The following LPP variants were observed in gnomAD, a reference collection of about 807,000 sequenced individuals.
LPP encodes the protein LIM domain containing preferred translocation partner in lipoma.
In LPP, 38 loss-of-function variants were observed where a neutral mutation model predicts 60.4. The observed-to-expected ratio is 0.63, with a 90% CI of 0.49 to 0.83. The LOEUF (loss-of-function observed/expected upper bound fraction) is 0.83, where lower values mean the gene tolerates loss of function less well. Among genes scored for constraint, LPP ranks in the 40% least tolerant of loss-of-function variants. The pLI, the probability that LPP is intolerant of heterozygous loss-of-function variation, is 0.00. For missense variants in LPP, 902 were observed against 783.6 expected, an observed-to-expected ratio of 1.15 and a Z score of -1.80; for synonymous variants, 328 against 290.8, an observed-to-expected ratio of 1.13 and a Z score of -1.30.
chr3:188,398,611 C>G (rs1313467306), intron 3 of LPP, among the ~76,000 whole-genome samples: 1 of 152,200 alleles, frequency 6.6e-6, no homozygotes, highest in Non-Finnish European at 1.5e-5. Context: ...CCTTCCGGCT[C>G]TATGTGACCT....
At chr3:188,466,502 ATGT>A (rs1408380528) in intron 4 of LPP, among the ~76,000 whole-genome samples, 1 of 151,960 alleles carries the variant, frequency 6.6e-6, no homozygotes, top group Non-Finnish European at 1.5e-5. Flanking sequence ...TATAATATTC[ATGT>A]CAAGTGGCCT....
chr3:188,791,416 A>G (rs1221560702), intron 9 of LPP, among the ~76,000 whole-genome samples: 1 of 148,824 alleles, frequency 6.7e-6, no homozygotes, highest in Non-Finnish European at 1.5e-5. Context: ...ATAAAAGCTA[A>G]ACTTCTTCAC....
At chr3:188,649,706 C>A (rs1818552) in intron 7 of LPP, among the ~76,000 whole-genome samples, 1 of 152,118 alleles carries the variant, frequency 6.6e-6, no homozygotes, top group Non-Finnish European at 1.5e-5. Context: ...AAGAAATGCA[C>A]TGGGGTCTGA....
intron 5 of LPP, among the ~76,000 whole-genome samples, chr3:188,502,918 C>T (rs567372833): frequency 1.1e-4 from 16 of 152,038 alleles, no homozygotes; most frequent in African/African-American, 1.4e-4. Context: ...CTTCAAGTAT[C>T]GTGTTTAATG....
intron 4 of LPP, among the ~76,000 whole-genome samples, chr3:188,445,412 T>C (rs1794992168): frequency 6.6e-6 from 1 of 152,074 alleles, no homozygotes; most frequent in South Asian, 2.1e-4. Flanking sequence ...CACCGTATGT[T>C]CTCACTCATA....
At chr3:188,781,193 T>A (rs1002039701) in intron 9 of LPP, among the ~76,000 whole-genome samples, 5 of 152,384 alleles carry the variant, frequency 3.3e-5, no homozygotes, top group Non-Finnish European at 7.3e-5. Flanking sequence ...GAACAGTGGC[T>A]AGTGCCATAA....
intron 2 of LPP, among the ~76,000 whole-genome samples, chr3:188,321,803 T>C (rs1272706099): frequency 6.6e-6 from 1 of 152,222 alleles, no homozygotes; most frequent in Non-Finnish European, 1.5e-5. Context: ...CTGGCATTTG[T>C]TGAAAACCAA....
At chr3:188,381,624 C>T (rs1037101927) in intron 3 of LPP, among the ~76,000 whole-genome samples, 60 of 152,248 alleles carry the variant, frequency 3.9e-4, no homozygotes, top group African/African-American at 1.4e-3. Flanking sequence ...TTGTGTCATT[C>T]ATTGAAATAT....
intron 2 of LPP, among the ~76,000 whole-genome samples, chr3:188,259,528 G>A (rs1287607384): frequency 6.6e-6 from 1 of 152,200 alleles, no homozygotes. Flanking sequence ...AACACTTGTA[G>A]AACTTCTCAC....
intron 8 of LPP, among the ~76,000 whole-genome samples, chr3:188,724,560 A>G (rs531150358): frequency 6.6e-6 from 1 of 152,356 alleles, no homozygotes; most frequent in East Asian, 1.9e-4. Context: ...CATGGGTAGT[A>G]GTGCCCAGTT....
chr3:188,282,400 G>A (rs1181307068), intron 2 of LPP, among the ~76,000 whole-genome samples: 3 of 152,174 alleles, frequency 2.0e-5, no homozygotes, highest in African/African-American at 7.2e-5. Flanking sequence ...GGATGCATGT[G>A]TTGTGTAGTT....
chr3:188,777,231 C>A (rs116763885), intron 9 of LPP, among the ~76,000 whole-genome samples: 3 of 151,790 alleles, frequency 2.0e-5, no homozygotes, highest in Non-Finnish European at 4.4e-5. Context: ...GAGAAGGTAA[C>A]CCATATAGCC....
intron 4 of LPP, 146 bp downstream of exon 4, chr3:188,406,459 C>G: frequency 2.8e-6 from 2 of 716,918 alleles, no homozygotes; most frequent in South Asian, 2.0e-5. Flanking sequence ...AAGGAGCCCC[C>G]GGAAATAGTC....
chr3:188,402,068 C>T (rs1782372769), intron 3 of LPP, among the ~76,000 whole-genome samples: 1 of 152,214 alleles, frequency 6.6e-6, no homozygotes, highest in African/African-American at 2.4e-5. Flanking sequence ...CTACTATTAT[C>T]ATAGAAGTTA....
intron 2 of LPP, among the ~76,000 whole-genome samples, chr3:188,259,989 A>C (rs1458524242): frequency 6.6e-6 from 1 of 152,074 alleles, no homozygotes; most frequent in Non-Finnish European, 1.5e-5. Flanking sequence ...AACAGGGTTA[A>C]AGAAGAAAAT....
intron 3 of LPP, among the ~76,000 whole-genome samples, chr3:188,376,735 C>T (rs1012471161): frequency 9.9e-5 from 15 of 152,044 alleles, no homozygotes; most frequent in African/African-American, 1.9e-4. Context: ...TGTGTGAATT[C>T]GATCCTGTCA....
chr3:188,347,411 A>G (rs1309114243), intron 3 of LPP, among the ~76,000 whole-genome samples: 1 of 152,248 alleles, frequency 6.6e-6, no homozygotes, highest in African/African-American at 2.4e-5. Context: ...CACATTATGC[A>G]TAACTCAGTT....
chr3:188,168,003 A>G (rs534895980), intron 1 of LPP, among the ~76,000 whole-genome samples: 73 of 152,306 alleles, frequency 4.8e-4, no homozygotes, highest in African/African-American at 1.7e-3. Flanking sequence ...GTTTCTCTTT[A>G]TATGGATTGT....
At chr3:188,385,994 T>G (rs1344130903) in intron 3 of LPP, among the ~76,000 whole-genome samples, 1 of 152,182 alleles carries the variant, frequency 6.6e-6, no homozygotes, top group African/African-American at 2.4e-5. Context: ...TCCCTCACCC[T>G]GACTCCTAGT....
Sources: allele counts gnomAD v4.1 joint callset (sites outside exome capture counted in the v4.1 genomes callset), GRCh38; gene constraint gnomAD v4.1.1; transcripts MANE v1.5; gene names NCBI Gene and HGNC (gene_info 2026-07-23, HGNC 2026-07-21).